SMTNL2: variants seen among roughly 807,000 people sequenced by gnomAD.
SMTNL2 encodes the protein smoothelin like 2.
In SMTNL2, 43 loss-of-function variants were observed where a neutral mutation model predicts 44.1. That is an observed-to-expected ratio of 0.98 (90% CI 0.76 to 1.26). The LOEUF is 1.26. Among genes scored for constraint, SMTNL2 ranks in the 50% most tolerant of loss-of-function variants. SMTNL2 has a pLI of 0.00. For missense variants in SMTNL2, 646 were observed against 670.2 expected (o/e 0.96, Z 0.40); for synonymous variants, 317 against 287.6 (o/e 1.10, Z -1.03).
At chr17:4,601,414 C>CA (rs11418037) in intron 7 of SMTNL2, among the ~76,000 whole-genome samples, 125,683 of 149,060 alleles carry the variant, frequency 0.84, 52,923 homozygotes, top group Middle Eastern at 0.86. Flanking sequence ...GACCTCATCT[C>CA]AAAAAAAAAA....
intron 4 of SMTNL2, among the ~76,000 whole-genome samples, chr17:4,594,573 G>T (rs561603851): frequency 7.6e-4 from 115 of 152,298 alleles, no homozygotes; most frequent in African/African-American, 2.6e-3. Context: ...GCCAGCTGGG[G>T]TCCCTCAGAG....
chr17:4,591,309 C>G (rs1909561258), intron 1 of SMTNL2, among the ~76,000 whole-genome samples: 1 of 152,242 alleles, frequency 6.6e-6, no homozygotes. Context: ...GGGAGAGGCA[C>G]AGCCGACCTC....
In SMTNL2 at chr17:4,597,332, G is replaced by C. The variant is rs1164111637; in HGVS notation, c.1259+9G>C. ...GCTTTCACCATGGCCGAGTGAGTAT[G>C]GTGGCTCCTGCTGGCTACCAGCCCC... On this transcript the variant is annotated intron_variant, in intron 7 of 7. Transcript: ENST00000389313. 6.2e-7 allele frequency: 1 copy of C among 1,613,198 alleles called. No individual in the cohort carries two copies.
rs754276745 is a variant in SMTNL2, at chr17:4,597,160, A to G, written c.1108-12A>G. ...CTGCCCTCCCGCACTGACCCCACTC[A>G]CCCTGTTGCAGCACGTGGACCTGCA... On this transcript the variant is annotated splice_polypyrimidine_tract_variant and intron_variant, in intron 6 of 7. Coordinates refer to ENST00000389313, the MANE Select transcript of SMTNL2 (RefSeq NM_001114974.2). 1.2e-6 allele frequency: 2 copies of G among 1,611,932 alleles called. No homozygotes were observed. The highest frequency in any genetic ancestry group is 1.7e-6 in the Non-Finnish European group (2 of 1,179,086).
At position 4,595,643 on chromosome 17, in the gene SMTNL2, C is replaced by CA. The variant is rs1390210952; in HGVS notation, c.989+317dup. On this transcript the variant is annotated intron_variant, in intron 5 of 7. Coordinates refer to ENST00000389313, the MANE Select transcript of SMTNL2 (RefSeq NM_001114974.2). This position sits in a 1 kb window ranked among gnomAD's most constrained non-coding sequence, Gnocchi z 5.1. ...GGTGCCGCCAGGCTGCCCTCACACCCACATTCCCCAGGGGTTGTGGCTCCT... is the reference window on the plus strand; with the variant it reads ...GGTGCCGCCAGGCTGCCCTCACACCCAACATTCCCCAGGGGTTGTGGCTCCT... Among the ~76,000 whole-genome samples the CA allele has an allele frequency of 1.3e-5, 2 of 152,338 alleles. No homozygotes were observed. Among genetic ancestry groups the CA allele is most frequent in the South Asian group, 4.1e-4 (2 of 4,832 alleles).
At chr17:4,596,793 C>A in intron 5 of SMTNL2, 67 bp from the exon 6 acceptor site, 2 of 1,340,214 alleles carry the variant, frequency 1.5e-6, no homozygotes. Context: ...GCCTCCCCTG[C>A]CCCAGACCCG....
At position 4,584,880 on chromosome 17, in the gene SMTNL2, C is replaced by G. The variant is rs558671271; in HGVS notation, c.275C>G (p.Pro92Arg). Residue 92 changes from proline (P) to arginine (R), a missense_variant, in exon 1 of 8, where the codon CCG (proline) becomes CGG (arginine). Pro to Arg is a moderately radical substitution (Grantham distance 103, BLOSUM62 -2). Transcript: ENST00000389313. ...EALGLASGMS[P>R]VPGTPGTPSP... Reference sequence around the variant, plus strand: ...CTGGGCTTGGCCAGCGGGATGTCCCCGGTGCCCGGCACTCCCGGCACGCCC... The same window carrying G: ...CTGGGCTTGGCCAGCGGGATGTCCCGGGTGCCCGGCACTCCCGGCACGCCC... 7.4e-5 allele frequency: 96 copies of G among 1,304,536 alleles called. No homozygotes were observed. The African/African-American group carries it at 1.4e-3, about 20-fold the overall frequency. The allele number at this position is 1,304,536 out of a possible 1,614,324, so 80.8% of individuals were successfully genotyped here. A position where few individuals can be genotyped will look rare whatever the true frequency, so the allele number is the denominator to read the frequency against.
intron 7 of SMTNL2, among the ~76,000 whole-genome samples, chr17:4,601,613 T>C (rs1010718324): frequency 2.6e-4 from 39 of 151,934 alleles, no homozygotes; most frequent in Admixed American, 2.0e-3. Flanking sequence ...AGCCTCAGAC[T>C]CCCAAGCTCA....
Position 4,593,866 on chromosome 17 carries a change from G to A in SMTNL2, c.775G>A (p.Gly259Arg), listed in dbSNP as rs546740058. ...GTGGTCTGTGCCAAGCTCTGGCTAT[G>A]GGGCAGTGACAGCAAGCAAACACAG... ...FTWSVPSSGY[G>R]AVTASKHSNS... Residue 259 changes from glycine (G) to arginine (R), a missense_variant, in exon 4 of 8, where the codon GGG (glycine) becomes AGG (arginine). Coordinates refer to ENST00000389313, the MANE Select transcript of SMTNL2 (RefSeq NM_001114974.2). 42 of 1,613,850 alleles carry A rather than the reference G, an allele frequency of 2.6e-5. No homozygotes were observed. Among genetic ancestry groups the A allele is most frequent in the African/African-American group, 5.3e-5 (4 of 75,052 alleles).
In SMTNL2 at chr17:4,598,668, C is replaced by T. The variant is rs1909912751; in HGVS notation, c.1259+1345C>T. The stretch of plus-strand genomic sequence containing the variant: ...GCGAAACCCTGTCTCTACTAAAATA[C>T]AAAAAATTAGCCAGGCATGGTGGCA... On this transcript the variant is annotated intron_variant, in intron 7 of 7. Coordinates refer to ENST00000389313, the MANE Select transcript of SMTNL2 (RefSeq NM_001114974.2). The surrounding 1 kb of genome is among the most constrained non-coding windows in gnomAD (Gnocchi z 4.8). 6.6e-6 allele frequency among the ~76,000 whole-genome samples: 1 copy of T among 152,064 alleles called. No individual in the cohort carries two copies. The highest frequency in any genetic ancestry group is 1.5e-5 in the Non-Finnish European group (1 of 67,984).
At chr17:4,593,203 A>G (rs781326754) in intron 3 of SMTNL2, 32 bp downstream of exon 3, 33 of 1,517,850 alleles carry the variant, frequency 2.2e-5, no homozygotes, top group Non-Finnish European at 2.9e-5. Flanking sequence ...CTTGGGGCAG[A>G]CCTCCCCTTG....
rs12449695 is a variant in SMTNL2 at position 4,592,445 on chromosome 17, G to A, written c.484G>A (p.Ala162Thr). ...CIMENGHQPGAGPGDGPPEIA... is the reference protein window; with the variant it reads ...CIMENGHQPGTGPGDGPPEIA... ...CATGGAAAATGGGCACCAGCCGGGG[G>A]CAGGTAGGGCTGACGGCAGAGGAGG... Residue 162 changes from alanine to threonine, a missense_variant, in exon 2 of 8, where the codon GCA becomes ACA. Transcript: ENST00000389313. The surrounding 1 kb of genome is among the most constrained non-coding windows in gnomAD (Gnocchi z 4.5). The A allele has an allele frequency of 0.31, 494,918 of 1,611,924 alleles. 81,141 individuals are homozygous for A. The highest frequency in any genetic ancestry group is 0.59 in the East Asian group (26,349 of 44,808).
In SMTNL2 at chr17:4,600,465, C is replaced by A. The variant is rs963443348; in HGVS notation, c.1259+3142C>A. The stretch of plus-strand genomic sequence containing the variant: ...GTCCCCAAACCACGGGTTCACCTTG[C>A]GTGAGGAATGAAGCATTTCCCCGAG... On this transcript the variant is annotated intron_variant, in intron 7 of 7. Coordinates refer to ENST00000389313, the MANE Select transcript of SMTNL2 (RefSeq NM_001114974.2). The surrounding 1 kb of genome is among the most constrained non-coding windows in gnomAD (Gnocchi z 4.7). Among the ~76,000 whole-genome samples, 1 of 152,178 alleles carries A rather than the reference C, an allele frequency of 6.6e-6. No homozygotes were observed. Among genetic ancestry groups the A allele is most frequent in the Non-Finnish European group, 1.5e-5 (1 of 68,026 alleles).
chr17:4,584,471 C>A (rs1909253928), upstream of SMTNL2: 4 of 1,031,224 alleles, frequency 3.9e-6, no homozygotes, highest in Admixed American at 8.9e-5. Flanking sequence ...GCCCCCGAGG[C>A]CCCGCCCCGC....
chr17:4,591,510 A>G (rs1244546746), intron 1 of SMTNL2, among the ~76,000 whole-genome samples: 1 of 152,252 alleles, frequency 6.6e-6, no homozygotes, highest in African/African-American at 2.4e-5. Flanking sequence ...CTCGGGCCCC[A>G]TCTCTGAAAT....
In SMTNL2 at chr17:4,592,112, T is replaced by A. The variant is rs1329075744; in HGVS notation, c.400-249T>A. 6.6e-6 allele frequency among the ~76,000 whole-genome samples: 1 copy of A among 152,198 alleles called. No homozygotes were observed. The highest frequency in any genetic ancestry group is 2.4e-5 in the African/African-American group (1 of 41,450). ...CTCCATCTTGACTTCTGTCCTCAGC[T>A]TTTTGGGACTCTGGGAGGAGCCCAG... On this transcript the variant is annotated intron_variant, in intron 1 of 7. Transcript: ENST00000389313. The surrounding 1 kb of genome is among the most constrained non-coding windows in gnomAD (Gnocchi z 4.5).
intron 7 of SMTNL2, among the ~76,000 whole-genome samples, chr17:4,606,278 C>T (rs1173480005): frequency 2.0e-5 from 3 of 152,142 alleles, no homozygotes; most frequent in South Asian, 2.1e-4. Context: ...CACGCCACCA[C>T]GCCCGGCTAA....
chr17:4,596,085 C>T (rs57623260), intron 5 of SMTNL2, among the ~76,000 whole-genome samples: 1,938 of 89,694 alleles, frequency 0.022, 38 homozygotes, highest in Middle Eastern at 0.031. Flanking sequence ...GGTATTGATG[C>T]CTGCTGTGTG....
At chr17:4,589,486 C>T (rs78447001) in intron 1 of SMTNL2, among the ~76,000 whole-genome samples, 389 of 152,280 alleles carry the variant, frequency 2.6e-3, no homozygotes, top group African/African-American at 8.9e-3. Context: ...TTCTGCTCTG[C>T]GTGCTGGGAG....
Sources: allele counts gnomAD v4.1 joint callset (sites outside exome capture counted in the v4.1 genomes callset), GRCh38; gene constraint gnomAD v4.1.1; non-coding constraint Gnocchi (gnomAD v3.1); transcripts MANE v1.5; gene names NCBI Gene and HGNC (gene_info 2026-07-23, HGNC 2026-07-21).